Variants in CDH6 observed in about 807,000 individuals in gnomAD.
CDH6 encodes cadherin 6.
Under a neutral mutation model 78.0 loss-of-function variants are expected in CDH6, and 31 were observed. The observed-to-expected ratio is 0.40, with a 90% confidence interval of 0.30 to 0.54. The LOEUF (loss-of-function observed/expected upper bound fraction) is 0.54, where lower values mean the gene tolerates loss of function less well. CDH6 is among the 20% of genes least tolerant of loss of function. The pLI, the probability that CDH6 is intolerant of heterozygous loss-of-function variation, is 0.56. For missense variants in CDH6, 724 were observed against 975.9 expected (o/e 0.74, Z 3.44); for synonymous variants, 376 against 368.8 (o/e 1.02, Z -0.23).
At chr5:31,314,289 TCCCTCCC>T (rs1561071530) in intron 8 of CDH6, among the ~76,000 whole-genome samples, 1 of 128,046 alleles carries the variant, frequency 7.8e-6, no homozygotes, top group Admixed American at 8.3e-5. Flanking sequence ...CCTAATGCTA[TCCCTCCC>T]CCCTCCCCCC....
At chr5:31,213,534 T>C (rs781281114) in intron 1 of CDH6, among the ~76,000 whole-genome samples, 1 of 152,122 alleles carries the variant, frequency 6.6e-6, no homozygotes, top group Non-Finnish European at 1.5e-5. Context: ...GACCAATCTG[T>C]GCGATAAACT....
intron 5 of CDH6, among the ~76,000 whole-genome samples, chr5:31,300,605 T>G (rs1194833568): frequency 1.3e-5 from 2 of 152,152 alleles, no homozygotes; most frequent in Non-Finnish European, 2.9e-5. Context: ...ATGAAAACTA[T>G]TAGGATCACC....
intron 2 of CDH6, among the ~76,000 whole-genome samples, chr5:31,280,247 A>G (rs1270359721): frequency 6.6e-6 from 1 of 152,226 alleles, no homozygotes; most frequent in Non-Finnish European, 1.5e-5. Flanking sequence ...GTTTCATGGC[A>G]GAAAACTTGT....
At chr5:31,246,448 G>T (rs1230600988) in intron 1 of CDH6, among the ~76,000 whole-genome samples, 2 of 152,172 alleles carry the variant, frequency 1.3e-5, no homozygotes, top group Non-Finnish European at 2.9e-5. Flanking sequence ...GAAGTGGGAT[G>T]GTCAGGGGGA....
At chr5:31,256,260 C>G (rs552524371) in intron 1 of CDH6, among the ~76,000 whole-genome samples, 1 of 152,140 alleles carries the variant, frequency 6.6e-6, no homozygotes, top group Non-Finnish European at 1.5e-5. Flanking sequence ...GATTTACTGG[C>G]TGTCAGGATT....
At chr5:31,316,119 T>C (rs1454686416) in intron 8 of CDH6, 89 bp from the exon 9 acceptor site, 3 of 1,387,044 alleles carry the variant, frequency 2.2e-6, no homozygotes, top group African/African-American at 1.5e-5. Flanking sequence ...TGTGCATGAA[T>C]GAGAATGAAG....
chr5:31,211,989 G>A (rs1740721481), intron 1 of CDH6, among the ~76,000 whole-genome samples: 1 of 152,270 alleles, frequency 6.6e-6, no homozygotes, highest in East Asian at 1.9e-4. Context: ...GAAATTTGGA[G>A]AAAAGGGGGT....
intron 1 of CDH6, among the ~76,000 whole-genome samples, chr5:31,236,148 G>T (rs1741449643): frequency 1.3e-5 from 2 of 152,222 alleles, no homozygotes; most frequent in Middle Eastern, 3.4e-3. Flanking sequence ...ACAAATAGCA[G>T]TTCTACACTG....
chr5:31,225,397 A>G lies in CDH6; in HGVS notation c.-129+31511A>G, dbSNP rs2111839989. On this transcript the variant is annotated intron_variant, in intron 1 of 11. Transcript: ENST00000265071. ...ACATGAGAGCTCATTCTAGACATAC[A>G]CTGTCTGTATTAGTCATTCCCGCAT... Among the ~76,000 whole-genome samples, 3 of 152,292 alleles carry G rather than the reference A, an allele frequency of 2.0e-5. No individual in the cohort carries two copies. In the South Asian group the frequency reaches 6.2e-4, roughly 32 times the overall value.
rs531556516 is a variant in CDH6 at position 31,210,457 on chromosome 5, T to C, written c.-129+16571T>C. On this transcript the variant is annotated intron_variant, in intron 1 of 11. Coordinates refer to ENST00000265071, the MANE Select transcript of CDH6 (RefSeq NM_004932.4). Reference sequence around the variant, plus strand: ...AGGCGGAGGTTGCAGTGAGCCGAGATCACGCCACTGCACTCCAGACTGGTT... The same window carrying C: ...AGGCGGAGGTTGCAGTGAGCCGAGACCACGCCACTGCACTCCAGACTGGTT... Among the ~76,000 whole-genome samples, 151 of 152,230 alleles carry C rather than the reference T, an allele frequency of 9.9e-4. 2 individuals are homozygous for C. The highest frequency in any genetic ancestry group is 3.5e-3 in the Admixed American group (53 of 15,294).
intron 1 of CDH6, among the ~76,000 whole-genome samples, chr5:31,209,869 T>C (rs368312421): frequency 5.9e-5 from 9 of 152,194 alleles, no homozygotes; most frequent in African/African-American, 2.2e-4. Context: ...CTGGTGGCAA[T>C]TGGAGCTACA....
chr5:31,265,150 G>A (rs939312188), intron 1 of CDH6, among the ~76,000 whole-genome samples: 5 of 152,168 alleles, frequency 3.3e-5, no homozygotes, highest in South Asian at 4.1e-4. Context: ...CCACAGAATC[G>A]ACCTCAGTGT....
At position 31,267,478 on chromosome 5, in the gene CDH6, G is replaced by A. The variant is rs940068893; in HGVS notation, c.5G>A (p.Arg2Lys). Residue 2 changes from arginine (R) to lysine (K), a missense_variant, in exon 2 of 12, where the codon AGA becomes AAA. Around this residue, in one of 3 missense-constraint regions of CDH6, gnomAD observed 58 missense variants for 50.8 expected, o/e 1.14. Coordinates refer to ENST00000265071, the MANE Select transcript of CDH6 (RefSeq NM_004932.4). ...AGACTCGACGGTGCCATCAGCATGAGAACTTACCGCTACTTCTTGCTGCTC... is the reference window on the plus strand; with the variant it reads ...AGACTCGACGGTGCCATCAGCATGAAAACTTACCGCTACTTCTTGCTGCTC... M[R>K]TYRYFLLLFW... The A allele has an allele frequency of 3.1e-6, 5 of 1,613,906 alleles. No homozygotes were observed. The highest frequency in any genetic ancestry group is 1.7e-4 in the Middle Eastern group (1 of 6,058).
chr5:31,292,513 C>G (rs1189234254), intron 2 of CDH6, among the ~76,000 whole-genome samples: 2 of 152,008 alleles, frequency 1.3e-5, no homozygotes, highest in Admixed American at 6.6e-5. Flanking sequence ...GCAGTATTAA[C>G]CAACAAGAGA....
At chr5:31,206,153 T>TA (rs143599649) in intron 1 of CDH6, among the ~76,000 whole-genome samples, 35 of 151,520 alleles carry the variant, frequency 2.3e-4, no homozygotes, top group Middle Eastern at 3.4e-3. Context: ...GATAGATAGA[T>TA]GATAGAATAG....
chr5:31,194,634 A>C (rs1740112180), intron 1 of CDH6, among the ~76,000 whole-genome samples: 1 of 152,150 alleles, frequency 6.6e-6, no homozygotes, highest in South Asian at 2.1e-4. Flanking sequence ...TGGAAGGCGC[A>C]GTTCGCTCGT....
At chr5:31,292,761 A>ATATGTGTG (rs796601372) in intron 2 of CDH6, among the ~76,000 whole-genome samples, 2 of 3,468 alleles carry the variant, frequency 5.8e-4, no homozygotes, top group Non-Finnish European at 9.8e-4. Flanking sequence ...ATATATATAT[A>ATATGTGTG]TGTGCGTGTG....
At chr5:31,239,465 T>C (rs1741538941) in intron 1 of CDH6, among the ~76,000 whole-genome samples, 2 of 152,230 alleles carry the variant, frequency 1.3e-5, no homozygotes, top group African/African-American at 4.8e-5. Flanking sequence ...ACTTCTCCGC[T>C]TATGTTTAAA....
At chr5:31,194,508 G>C (rs1177729934) in intron 1 of CDH6, among the ~76,000 whole-genome samples, 1 of 152,178 alleles carries the variant, frequency 6.6e-6, no homozygotes, top group Non-Finnish European at 1.5e-5. Flanking sequence ...AAAACTGTTA[G>C]CTTGCACGTT....
Sources: allele counts gnomAD v4.1 joint callset (sites outside exome capture counted in the v4.1 genomes callset), GRCh38; gene constraint gnomAD v4.1.1; regional missense constraint gnomAD v4.1.1; transcripts MANE v1.5; gene names NCBI Gene and HGNC (gene_info 2026-07-23, HGNC 2026-07-21).